Variants in LBP observed in about 807,000 individuals in gnomAD.
LBP encodes lipopolysaccharide-binding protein.
LBP carries 53 observed loss-of-function variants against 56.6 expected under a neutral mutation model. The observed-to-expected ratio is 0.94, with a 90% CI of 0.75 to 1.18. The LOEUF (loss-of-function observed/expected upper bound fraction) is 1.18. Ranked by LOEUF, LBP falls within the 50% of genes most tolerant of loss-of-function variation. The probability of loss-of-function intolerance (pLI) is 0.00; values close to 1 mark genes in which losing one functional copy is unlikely to be tolerated. For missense variants in LBP, 601 were observed against 598.3 expected (o/e 1.00, Z -0.05); for synonymous variants, 227 against 247.5 (o/e 0.92, Z 0.78).
chr20:38,349,789 A>T, intron 2 of LBP, 127 bp downstream of exon 2: 1 of 647,246 alleles, frequency 1.5e-6, no homozygotes, highest in African/African-American at 1.8e-5. Flanking sequence ...AGACAGTGGG[A>T]TAGTTCCCTG....
chr20:38,353,781 G>A (rs2076828866), intron 3 of LBP, among the ~76,000 whole-genome samples: 1 of 151,952 alleles, frequency 6.6e-6, no homozygotes, highest in South Asian at 2.1e-4. Context: ...GCGAGAACTG[G>A]TGTCATTGTT....
intron 6 of LBP, 141 bp from the exon 7 acceptor site, chr20:38,363,834 C>T: frequency 1.6e-6 from 1 of 634,856 alleles, no homozygotes; most frequent in Non-Finnish European, 2.8e-6. Flanking sequence ...CTTGAAGAAG[C>T]AATTCTTTGC....
intron 14 of LBP, among the ~76,000 whole-genome samples, chr20:38,374,553 C>T (rs1444691492): frequency 3.7e-4 from 55 of 147,736 alleles, no homozygotes; most frequent in African/African-American, 1.3e-3. Context: ...GCCGAGATCA[C>T]GCCACTGCAC....
At chr20:38,351,496 T>A (rs1055766511) in intron 3 of LBP, among the ~76,000 whole-genome samples, 1 of 152,086 alleles carries the variant, frequency 6.6e-6, no homozygotes, top group Non-Finnish European at 1.5e-5. Flanking sequence ...TTTGAACAGT[T>A]CTCTGACCTC....
chr20:38,369,267 G>T, intron 10 of LBP, 105 bp downstream of exon 10: 1 of 1,154,066 alleles, frequency 8.7e-7, no homozygotes, highest in Non-Finnish European at 1.2e-6. Flanking sequence ...ATTCCTCCAG[G>T]TCTCAACTTA....
In LBP at chr20:38,366,828, G is replaced by T. The variant is rs1238327386; in HGVS notation, c.981G>T (p.Arg327=). The part of the protein sequence containing the change: ...TTKSFRPFVP[R]LARLYPNMNL... ...AGTCCTTCCGACCCTTCGTCCCACG[G>T]GTAAGGAGTCCCTTAGTTCCCCATG... Residue 327 remains arginine (R), a splice_region_variant and synonymous_variant, in exon 9 of 15, where the codon CGG becomes CGT. Coordinates refer to ENST00000217407, the MANE Select transcript of LBP (RefSeq NM_004139.5). 3.1e-6 allele frequency: 5 copies of T among 1,613,728 alleles called. No individual in the cohort carries two copies. The Admixed American group carries it at 5.0e-5, about 16-fold the overall frequency.
Position 38,374,594 on chromosome 20 carries a change from CA to C in LBP, c.1401+595del, listed in dbSNP as rs562385988. On this transcript the variant is annotated intron_variant, in intron 14 of 14. Transcript: ENST00000217407. The stretch of plus-strand genomic sequence containing the variant: ...CCTGGGCAACAGAGCAACACTCCGT[CA>C]AAAAAAAAAAAAAGAAAGAAAAAAA... Among the ~76,000 whole-genome samples the C allele has an allele frequency of 3.2e-3, 278 of 86,154 alleles. 1 individual carries two copies. The highest frequency in any genetic ancestry group is 9.8e-3 in the Middle Eastern group (1 of 102). The allele number at this position is 86,154 out of a possible 152,430, so 56.5% of individuals were successfully genotyped here.
rs759224229 is a variant in LBP at position 38,363,999 on chromosome 20, C to A, written c.677C>A (p.Ala226Asp). 8.1e-6 allele frequency: 13 copies of A among 1,613,864 alleles called. No homozygotes were observed. The highest frequency in any genetic ancestry group is 1.3e-5 in the African/African-American group (1 of 75,020). Reference sequence around the variant, plus strand: ...GTTACAACAGAGATTGACAGTTTCGCCGACATTGATTATAGCTTAGTGGAA... The same window carrying A: ...GTTACAACAGAGATTGACAGTTTCGACGACATTGATTATAGCTTAGTGGAA... ...LPVTTEIDSF[A>D]DIDYSLVEAP... Residue 226 changes from alanine (A) to aspartate (D), a missense_variant, in exon 7 of 15, where the codon GCC becomes GAC. Transcript: ENST00000217407.
At chr20:38,349,348 A>C (rs1160143096) in intron 1 of LBP, among the ~76,000 whole-genome samples, 200 bp from the exon 2 acceptor site, 1 of 152,220 alleles carries the variant, frequency 6.6e-6, no homozygotes, top group Non-Finnish European at 1.5e-5. Flanking sequence ...TGAACCTAAC[A>C]ATGCCACAGA....
intron 6 of LBP, among the ~76,000 whole-genome samples, chr20:38,363,452 C>T (rs951435466): frequency 6.6e-6 from 1 of 152,162 alleles, no homozygotes; most frequent in African/African-American, 2.4e-5. Flanking sequence ...ACATTAAGCT[C>T]GGAGGGGGAG....
Position 38,349,667 on chromosome 20 carries a change from G to A in LBP, c.239+5G>A. 1 of 1,577,562 alleles carries A rather than the reference G, an allele frequency of 6.3e-7. No individual in the cohort carries two copies. Among genetic ancestry groups the A allele is most frequent in the Non-Finnish European group, 8.7e-7 (1 of 1,154,892 alleles). ...TGGGCGCTATGAGTTCCACAGGTGG[G>A]GCTCTCCCTTCTGCTGCGGCTCTGA... On this transcript the variant is annotated splice_donor_5th_base_variant and intron_variant, in intron 2 of 14. Coordinates refer to ENST00000217407, the MANE Select transcript of LBP (RefSeq NM_004139.5).
chr20:38,359,414 T>C (rs1215718597), intron 5 of LBP, among the ~76,000 whole-genome samples: 4 of 151,998 alleles, frequency 2.6e-5, no homozygotes, highest in Non-Finnish European at 5.9e-5. Flanking sequence ...GACCCCAGTC[T>C]CTACTAAAAT....
intron 10 of LBP, among the ~76,000 whole-genome samples, chr20:38,370,425 C>T (rs1045854876): frequency 6.6e-6 from 1 of 152,070 alleles, no homozygotes; most frequent in African/African-American, 2.4e-5. Flanking sequence ...TGAATCTTGA[C>T]CTGAGATAAC....
chr20:38,365,684 G>A (rs1346991920), intron 8 of LBP, among the ~76,000 whole-genome samples: 1 of 124,454 alleles, frequency 8.0e-6, no homozygotes, highest in Non-Finnish European at 1.6e-5. Flanking sequence ...GCAACAGAGT[G>A]AGACTGCATC....
chr20:38,372,824 A>C (rs2076905183), intron 12 of LBP, among the ~76,000 whole-genome samples: 1 of 152,240 alleles, frequency 6.6e-6, no homozygotes, highest in Non-Finnish European at 1.5e-5. Context: ...GATACTAAAG[A>C]TAAGGCTAAG....
At chr20:38,354,243 C>T (rs1004785642) in intron 3 of LBP, 41 bp from the exon 4 acceptor site, 27 of 1,571,594 alleles carry the variant, frequency 1.7e-5, no homozygotes, top group Non-Finnish European at 2.3e-5. Context: ...TGGCAGACCC[C>T]TGGTCTAGGA....
intron 3 of LBP, among the ~76,000 whole-genome samples, chr20:38,351,614 G>T (rs1284709813): frequency 6.6e-6 from 1 of 152,168 alleles, no homozygotes; most frequent in Non-Finnish European, 1.5e-5. Flanking sequence ...GAGGCTGAGG[G>T]CCAAGGTCAA....
intron 14 of LBP, 136 bp from the exon 15 acceptor site, chr20:38,376,489 A>G: frequency 1.3e-6 from 1 of 772,934 alleles, no homozygotes; most frequent in Admixed American, 1.9e-5. Context: ...ACTGAGGCAC[A>G]CTCGCAATTT....
intron 1 of LBP, 133 bp downstream of exon 1, chr20:38,346,773 C>T (rs979194095): frequency 1.3e-5 from 17 of 1,261,214 alleles, no homozygotes; most frequent in Non-Finnish European, 8.7e-6. Flanking sequence ...GGTCAGGTGG[C>T]TCTGGCTCCT....
Sources: gnomAD v4.1 joint callset for allele counts (sites outside exome capture counted in the v4.1 genomes callset) on GRCh38, gnomAD v4.1.1 for gene constraint, MANE v1.5 for transcripts, NCBI Gene and HGNC (gene_info 2026-07-23, HGNC 2026-07-21) for gene names.